Variants in TXNDC12 observed in about 807,000 individuals in gnomAD.
TXNDC12 encodes the protein thioredoxin domain containing 12.
In TXNDC12, 22 loss-of-function variants were observed where a neutral mutation model predicts 24.2. The ratio of observed to expected loss-of-function variants is 0.91; its 90% CI spans 0.65 to 1.30. TXNDC12 has a LOEUF of 1.30. Ranked by LOEUF, TXNDC12 falls within the 50% of genes most tolerant of loss-of-function variation. TXNDC12 has a pLI of 0.00. For missense variants in TXNDC12, 184 were observed against 205.8 expected, an observed-to-expected ratio of 0.89 and a Z score of 0.65; for synonymous variants, 58 against 73.4, an observed-to-expected ratio of 0.79 and a Z score of 1.07.
chr1:52,021,264 G>A (rs1261327329), intron 6 of TXNDC12, among the ~76,000 whole-genome samples: 1 of 152,102 alleles, frequency 6.6e-6, no homozygotes, highest in African/African-American at 2.4e-5. Context: ...GATAATAAAA[G>A]TGCTTTATCA....
In TXNDC12 at chr1:52,020,487, GTTA is replaced by G. The variant is rs943670879; in HGVS notation, c.*443_*445del. 7 of 237,580 alleles carry G rather than the reference GTTA, an allele frequency of 2.9e-5. No individual in the cohort carries two copies. The highest frequency in any genetic ancestry group is 1.0e-4 in the Admixed American group (2 of 19,176). 14.7% of individuals were successfully genotyped at this position (237,580 alleles called of 1,614,324 possible). A position where few individuals can be genotyped will look rare whatever the true frequency, so the allele number is the denominator to read the frequency against. ...AACTGATTTACACTTAGGATTTATT[GTTA>G]TTGTTGTTGTTGTTGTTTTTTAATG... is the stretch of plus-strand genomic sequence containing the variant. On this transcript the variant is annotated 3_prime_UTR_variant, in exon 7 of 7. Coordinates refer to ENST00000371626, the MANE Select transcript of TXNDC12 (RefSeq NM_015913.4).
intron 1 of TXNDC12, among the ~76,000 whole-genome samples, chr1:52,047,015 C>T (rs1167314639): frequency 1.3e-5 from 2 of 151,752 alleles, no homozygotes; most frequent in East Asian, 3.9e-4. Context: ...TGCACTCCAG[C>T]CTGGGTAACA....
At chr1:52,040,397 G>T (rs1426323006) in intron 2 of TXNDC12, among the ~76,000 whole-genome samples, 1 of 151,942 alleles carries the variant, frequency 6.6e-6, no homozygotes, top group East Asian at 1.9e-4. Context: ...ATGTTGCCCA[G>T]ATTGGTCTCA....
intron 3 of TXNDC12, 70 bp from the exon 4 acceptor site, chr1:52,027,418 G>A (rs1319147992): frequency 2.3e-5 from 26 of 1,148,716 alleles, no homozygotes; most frequent in Non-Finnish European, 3.0e-5. Context: ...ACGAACATAA[G>A]CATCACTATT....
intron 6 of TXNDC12, among the ~76,000 whole-genome samples, chr1:52,021,406 T>C (rs566041368): frequency 1.3e-5 from 2 of 152,146 alleles, no homozygotes; most frequent in South Asian, 4.1e-4. Flanking sequence ...ACCGTCCCCA[T>C]TGTATCTTTT....
At chr1:52,040,422 A>G (rs1185086845) in intron 2 of TXNDC12, among the ~76,000 whole-genome samples, 1 of 150,628 alleles carries the variant, frequency 6.6e-6, no homozygotes, top group Non-Finnish European at 1.5e-5. Context: ...CCTGGGCTCA[A>G]GTGATCTGCC....
chr1:52,033,557 G>C lies in TXNDC12; in HGVS notation c.159-4927C>G, dbSNP rs148993656. 11 of 1,613,786 alleles carry C rather than the reference G, an allele frequency of 6.8e-6. No individual in the cohort carries two copies. Among genetic ancestry groups the C allele is most frequent in the Non-Finnish European group, 9.3e-6 (11 of 1,179,954 alleles). ...ATGACCACGTCGTGGCGACTCAGGC[G>C]CCGTTCCACGGAGGCTCGCAGAGCT... On this transcript the variant is annotated intron_variant, in intron 2 of 6. Transcript: ENST00000371626.
chr1:52,033,425 G>A, intron 2 of TXNDC12: 1 of 1,451,400 alleles, frequency 6.9e-7, no homozygotes, highest in South Asian at 1.3e-5. Context: ...CCCGCGATCG[G>A]GCCGCCGGGC....
intron 5 of TXNDC12, among the ~76,000 whole-genome samples, chr1:52,024,062 A>T (rs950785101): frequency 6.6e-6 from 1 of 150,770 alleles, no homozygotes; most frequent in Non-Finnish European, 1.5e-5. Flanking sequence ...TGGCGTGATT[A>T]TGGCTCACTG....
In TXNDC12 at chr1:52,054,980, A is replaced by T; in HGVS notation, c.97+20T>A. The T allele has an allele frequency of 6.4e-7, 1 of 1,568,008 alleles. No individual in the cohort carries two copies. The highest frequency in any genetic ancestry group is 1.7e-5 in the Admixed American group (1 of 59,954). On this transcript the variant is annotated intron_variant, in intron 1 of 6. Transcript: ENST00000371626. ...AGTATAGTAAAGATCAGTAAAGAGA[A>T]GATAAGAACGCGGTCTGACCCTTTC...
intron 2 of TXNDC12, 38 bp from the exon 3 acceptor site, chr1:52,028,668 C>A (rs1163272506): frequency 1.4e-6 from 2 of 1,463,288 alleles, no homozygotes; most frequent in East Asian, 2.3e-5. Flanking sequence ...TCTAGTAATT[C>A]TACTTCTTGA....
intron 2 of TXNDC12, chr1:52,032,225 T>G: frequency 1.0e-6 from 1 of 986,344 alleles, no homozygotes; most frequent in Non-Finnish European, 1.2e-6. Flanking sequence ...GGTCCCAGAA[T>G]AGAAACTAGC....
chr1:52,055,262 T>A (rs1039170041), upstream of TXNDC12: 10 of 597,312 alleles, frequency 1.7e-5, no homozygotes, highest in Non-Finnish European at 3.0e-5. Context: ...GGGTGGTGCC[T>A]CCGGGGTCCG....
chr1:52,035,118 C>T (rs1256465671), intron 2 of TXNDC12, among the ~76,000 whole-genome samples: 2 of 152,030 alleles, frequency 1.3e-5, no homozygotes, highest in South Asian at 2.1e-4. Context: ...GGTTTGAGAC[C>T]CAGAGCCATG....
chr1:52,032,074 C>T lies in TXNDC12; in HGVS notation c.159-3444G>A, dbSNP rs552208845. On this transcript the variant is annotated intron_variant, in intron 2 of 6. Transcript: ENST00000371626. Reference sequence around the variant, plus strand: ...ACCTAAAATGTTACATGAAGTTACACAGGGAACATTAAGTGAAAGAGATTC... The same window carrying T: ...ACCTAAAATGTTACATGAAGTTACATAGGGAACATTAAGTGAAAGAGATTC... 10 of 896,034 alleles carry T rather than the reference C, an allele frequency of 1.1e-5. No individual in the cohort carries two copies. The South Asian group carries it at 2.6e-4, about 23-fold the overall frequency. 55.5% of individuals were successfully genotyped at this position (896,034 alleles called of 1,614,324 possible).
intron 5 of TXNDC12, among the ~76,000 whole-genome samples, chr1:52,023,942 A>C (rs921586691): frequency 6.6e-6 from 1 of 151,874 alleles, no homozygotes; most frequent in Non-Finnish European, 1.5e-5. Flanking sequence ...AGTGCTTGAC[A>C]TATGGCTGAT....
In TXNDC12 at chr1:52,046,866, A is replaced by ATATATATAT. The variant is rs1553236788; in HGVS notation, c.98-5270_98-5269insATATATATA. Among the ~76,000 whole-genome samples the ATATATATAT allele has an allele frequency of 3.3e-4, 10 of 30,168 alleles. No individual in the cohort carries two copies. The East Asian group carries it at 7.0e-3, about 21-fold the overall frequency. The allele number at this position is 30,168 out of a possible 152,430, so 19.8% of individuals were successfully genotyped here. A position where few individuals can be genotyped will look rare whatever the true frequency, so the allele number is the denominator to read the frequency against. Reference sequence around the variant, plus strand: ...CCCCATCTCTACTAAAAAAAAAAAAAATATATATATATATATATATATATA... The same window carrying ATATATATAT: ...CCCCATCTCTACTAAAAAAAAAAAAATATATATATATATATATATATATATATATATATA... On this transcript the variant is annotated intron_variant, in intron 1 of 6. Transcript: ENST00000371626.
intron 3 of TXNDC12, among the ~76,000 whole-genome samples, chr1:52,027,760 T>C (rs1221980369): frequency 6.7e-6 from 1 of 149,298 alleles, no homozygotes; most frequent in Admixed American, 6.7e-5. Context: ...TATATACATA[T>C]ATACGTATAT....
At chr1:52,048,201 A>T (rs1198640078) in intron 1 of TXNDC12, among the ~76,000 whole-genome samples, 1 of 152,112 alleles carries the variant, frequency 6.6e-6, no homozygotes, top group African/African-American at 2.4e-5. Context: ...GTGGTGGCTC[A>T]CACCTATAAT....
Sources: gnomAD v4.1 joint callset for allele counts (sites outside exome capture counted in the v4.1 genomes callset) on GRCh38, gnomAD v4.1.1 for gene constraint, MANE v1.5 for transcripts, NCBI Gene and HGNC (gene_info 2026-07-23, HGNC 2026-07-21) for gene names.